Variants in EPS8 observed in about 807,000 individuals in gnomAD.
EPS8 encodes the protein epidermal growth factor receptor kinase substrate 8.
Under a neutral mutation model 103.8 loss-of-function variants are expected in EPS8, and 42 were observed. The ratio of observed to expected loss-of-function variants is 0.40; its 90% CI spans 0.32 to 0.52. The LOEUF (loss-of-function observed/expected upper bound fraction) is 0.52, where lower values mean the gene tolerates loss of function less well. EPS8 is among the 20% of genes least tolerant of loss of function. The pLI, the probability that EPS8 is intolerant of heterozygous loss-of-function variation, is 0.40. For missense variants in EPS8, 969 were observed against 1,005.1 expected (o/e 0.96, Z 0.49); for synonymous variants, 344 against 344.6 (o/e 1.00, Z 0.02).
intron 4 of EPS8, 71 bp from the exon 5 acceptor site, chr12:15,669,896 C>T: frequency 8.2e-7 from 1 of 1,221,052 alleles, no homozygotes; most frequent in Admixed American, 2.8e-5. Flanking sequence ...TATACATTTT[C>T]CAAAAGAAAA....
chr12:15,646,130 A>T (rs1345544420), intron 15 of EPS8, among the ~76,000 whole-genome samples: 2 of 151,954 alleles, frequency 1.3e-5, no homozygotes, highest in Non-Finnish European at 2.9e-5. Context: ...GTTGGCATTT[A>T]AAAAATATAT....
intron 3 of EPS8, 25 bp from the exon 4 acceptor site, chr12:15,670,948 T>C: frequency 6.3e-7 from 1 of 1,584,830 alleles, no homozygotes; most frequent in African/African-American, 1.3e-5. Flanking sequence ...GAAAAAGCCA[T>C]GATTTGTCCC....
intron 19 of EPS8, among the ~76,000 whole-genome samples, chr12:15,623,545 C>T (rs1015910394): frequency 5.9e-5 from 9 of 151,976 alleles, no homozygotes; most frequent in Admixed American, 5.2e-4. Context: ...TGTTTAATAC[C>T]AATTCTTGGG....
chr12:15,651,221 A>G (rs1187097263), intron 13 of EPS8, among the ~76,000 whole-genome samples: 1 of 152,216 alleles, frequency 6.6e-6, no homozygotes, highest in Admixed American at 6.5e-5. Context: ...TGAAAGAAAG[A>G]TTGAATTCTG....
At chr12:15,699,863 GTCTTCCCTTA>G (rs1215355677) in intron 1 of EPS8, among the ~76,000 whole-genome samples, 1 of 151,944 alleles carries the variant, frequency 6.6e-6, no homozygotes, top group African/African-American at 2.4e-5. Flanking sequence ...CTTTTTAAAA[GTCTTCCCTTA>G]GGCCAGGTGC....
At chr12:15,765,239 T>G (rs1157882369) in intron 1 of EPS8, among the ~76,000 whole-genome samples, 1 of 152,198 alleles carries the variant, frequency 6.6e-6, no homozygotes, top group Non-Finnish European at 1.5e-5. Context: ...CAAAAAGTGA[T>G]GCCTAGTAGT....
intron 6 of EPS8, among the ~76,000 whole-genome samples, chr12:15,668,297 C>A (rs966153539): frequency 1.3e-5 from 2 of 152,130 alleles, no homozygotes; most frequent in Admixed American, 6.6e-5. Flanking sequence ...AGTTTACAGT[C>A]AATCTTACTT....
intron 1 of EPS8, among the ~76,000 whole-genome samples, chr12:15,782,282 T>C (rs556403322): frequency 4.1e-4 from 63 of 152,096 alleles, no homozygotes; most frequent in Admixed American, 1.1e-3. Context: ...TGCTTGTGCC[T>C]GGGAGTTCAA....
At position 15,748,031 on chromosome 12, in the gene EPS8, CA is replaced by C. The variant is rs202131078; in HGVS notation, c.-22+41129del. ...CAAGACTCCATCTCAAAATCAAAAA[CA>C]AAAACAAAACAAAAAAAAGTAATGC... On this transcript the variant is annotated intron_variant, in intron 1 of 20. Coordinates refer to ENST00000281172, the MANE Select transcript of EPS8 (RefSeq NM_004447.6). This position sits in a 1 kb window ranked among gnomAD's most constrained non-coding sequence, Gnocchi z 4.8. 0.018 allele frequency among the ~76,000 whole-genome samples: 2,654 copies of C among 151,394 alleles called. 87 individuals are homozygous for C. Among genetic ancestry groups the C allele is most frequent in the African/African-American group, 0.061 (2,509 of 40,908 alleles).
At chr12:15,710,818 T>A (rs183390663) in intron 1 of EPS8, among the ~76,000 whole-genome samples, 1 of 152,222 alleles carries the variant, frequency 6.6e-6, no homozygotes, top group African/African-American at 2.4e-5. Context: ...TAACCTACCT[T>A]ATTATATTCT....
intron 18 of EPS8, among the ~76,000 whole-genome samples, chr12:15,630,204 T>TCACACA (rs58598084): frequency 0.073 from 10,782 of 148,578 alleles, 737 homozygotes; most frequent in African/African-American, 0.19. Flanking sequence ...TCTCTCTCAC[T>TCACACA]CACACACACA....
intron 1 of EPS8, among the ~76,000 whole-genome samples, chr12:15,705,484 TA>T (rs35187241): frequency 1.3e-5 from 2 of 152,016 alleles, no homozygotes; most frequent in Admixed American, 6.6e-5. Context: ...CCAAGGGGTT[TA>T]AAAAAAATCT....
intron 2 of EPS8, among the ~76,000 whole-genome samples, chr12:15,682,132 T>A (rs1377908871): frequency 6.6e-6 from 1 of 152,072 alleles, no homozygotes; most frequent in Non-Finnish European, 1.5e-5. Context: ...GAGAATCAAG[T>A]GAGGAAAAGG....
rs34393715 is a variant in EPS8 at position 15,631,608 on chromosome 12, A to T, written c.1878T>A (p.Pro626=). The change falls in exon 18 of 21, where the codon CCT becomes CCA. Residue 626 remains proline (P), a synonymous_variant. Transcript: ENST00000281172. ...CAGGAACAGGAGCTGGTGTTGGAGG[A>T]GGTGATGGAGCAGGGGGAGTATCAG... ...RPADTPPAPS[P]PPTPAPVPVP... is the part of the protein sequence containing the mutation. The T allele has an allele frequency of 5.2e-4, 835 of 1,613,994 alleles. 2 individuals carry two copies. Among genetic ancestry groups the T allele is most frequent in the Middle Eastern group, 1.6e-4 (1 of 6,062 alleles).
At chr12:15,756,499 C>T (rs913565338) in intron 1 of EPS8, among the ~76,000 whole-genome samples, 2 of 152,072 alleles carry the variant, frequency 1.3e-5, no homozygotes, top group African/African-American at 4.8e-5. Flanking sequence ...ACTTTAAAGG[C>T]TCTATATAGT....
rs867912197 is a variant in EPS8, at chr12:15,714,384, T to C, written c.-21-31412A>G. Among the ~76,000 whole-genome samples, 1 of 152,296 alleles carries C rather than the reference T, an allele frequency of 6.6e-6. No individual in the cohort carries two copies. Among genetic ancestry groups the C allele is most frequent in the Non-Finnish European group, 1.5e-5 (1 of 68,016 alleles). On this transcript the variant is annotated intron_variant, in intron 1 of 20. Transcript: ENST00000281172. This position sits in a 1 kb window ranked among gnomAD's most constrained non-coding sequence, Gnocchi z 4.1. ...GGCTGGGTACAGTGGCTCACACCTGTAATCCCAGCTCTTTGATAGGCCACG... is the reference window on the plus strand; with the variant it reads ...GGCTGGGTACAGTGGCTCACACCTGCAATCCCAGCTCTTTGATAGGCCACG...
In EPS8 at chr12:15,713,393, C is replaced by T. The variant is rs1257068344; in HGVS notation, c.-21-30421G>A. ...GCTTTACTTGCAATAAAGATAATTCCCTGATGCTAAACCAAAGCCAGAACT... is the reference window on the plus strand; with the variant it reads ...GCTTTACTTGCAATAAAGATAATTCTCTGATGCTAAACCAAAGCCAGAACT... On this transcript the variant is annotated intron_variant, in intron 1 of 20. Transcript: ENST00000281172. The surrounding 1 kb of genome is among the most constrained non-coding windows in gnomAD (Gnocchi z 4.8). 6.6e-6 allele frequency: 1 copy of T among 152,198 alleles called. No individual in the cohort carries two copies. Among genetic ancestry groups the T allele is most frequent in the African/African-American group, 2.4e-5 (1 of 41,526 alleles). 9.4% of individuals were successfully genotyped at this position (152,198 alleles called of 1,614,324 possible). A position where few individuals can be genotyped will look rare whatever the true frequency, so the allele number is the denominator to read the frequency against.
rs1158510645 is a variant in EPS8 at position 15,787,641 on chromosome 12, A to C, written c.-22+1520T>G. ...CTCAGAATAGTAGAATTAAAAGCAA[A>C]TTATATTTTCCTTCTTTTTTTTCTG... On this transcript the variant is annotated intron_variant, in intron 1 of 20. Transcript: ENST00000281172. The surrounding 1 kb of genome is among the most constrained non-coding windows in gnomAD (Gnocchi z 4.9). Among the ~76,000 whole-genome samples, 1 of 152,162 alleles carries C rather than the reference A, an allele frequency of 6.6e-6. No individual in the cohort carries two copies. The highest frequency in any genetic ancestry group is 1.5e-5 in the Non-Finnish European group (1 of 68,022).
At chr12:15,719,201 A>G (rs1297069357) in intron 1 of EPS8, among the ~76,000 whole-genome samples, 1 of 151,598 alleles carries the variant, frequency 6.6e-6, no homozygotes, top group Admixed American at 6.6e-5. Flanking sequence ...ATATAAACAT[A>G]CATATATATA....
Sources: allele counts gnomAD v4.1 joint callset (sites outside exome capture counted in the v4.1 genomes callset), GRCh38; gene constraint gnomAD v4.1.1; non-coding constraint Gnocchi (gnomAD v3.1); transcripts MANE v1.5; gene names NCBI Gene and HGNC (gene_info 2026-07-23, HGNC 2026-07-21).